FYB2: variants seen among roughly 807,000 people sequenced by gnomAD.
FYB2 encodes FYN binding protein 2.
A neutral mutation model predicts 94.1 loss-of-function variants in FYB2; 103 were observed. The ratio of observed to expected loss-of-function variants is 1.09; its 90% CI spans 0.93 to 1.29. The LOEUF (loss-of-function observed/expected upper bound fraction) is 1.29, where lower values mean the gene tolerates loss of function less well. Among genes scored for constraint, FYB2 ranks in the 50% most tolerant of loss-of-function variants. The pLI, the probability that FYB2 is intolerant of heterozygous loss-of-function variation, is 0.00. For missense variants in FYB2, 896 were observed against 841.5 expected (o/e 1.06, Z -0.80); for synonymous variants, 293 against 287.9 (o/e 1.02, Z -0.18).
intron 3 of FYB2, among the ~76,000 whole-genome samples, chr1:56,787,869 T>A (rs1646167942): frequency 6.6e-6 from 1 of 152,230 alleles, no homozygotes; most frequent in African/African-American, 2.4e-5. Context: ...CTGAATTATT[T>A]AATGTTTATA....
chr1:56,822,157 G>T (rs1646996680), upstream of FYB2, among the ~76,000 whole-genome samples: 1 of 152,130 alleles, frequency 6.6e-6, no homozygotes, highest in African/African-American at 2.4e-5. Flanking sequence ...ATTTTATTTA[G>T]TCCTTATTAT....
chr1:56,720,524 G>T (rs1040542048), intron 17 of FYB2, 195 bp from the exon 18 acceptor site: 1 of 406,070 alleles, frequency 2.5e-6, no homozygotes, highest in Non-Finnish European at 4.3e-6. Context: ...ATAGTAAAAT[G>T]GTGCAATCTC....
In FYB2 at chr1:56,755,821, A is replaced by G. The variant is rs370906583; in HGVS notation, c.1130+75T>C. The G allele has an allele frequency of 1.5e-3, 2,163 of 1,418,596 alleles. 5 individuals are homozygous for G. The highest frequency in any genetic ancestry group is 1.7e-3 in the Non-Finnish European group (1,710 of 1,009,778). The allele number at this position is 1,418,596 out of a possible 1,614,324, so 87.9% of individuals were successfully genotyped here. A position where few individuals can be genotyped will look rare whatever the true frequency, so the allele number is the denominator to read the frequency against. On this transcript the variant is annotated intron_variant, in intron 7 of 19. Transcript: ENST00000343433. Reference sequence around the variant, plus strand: ...CTCAGTTTGGAAACATAGCTGGCCCATAGAGGAAAACTAGTTCAGTCATCA... The same window carrying G: ...CTCAGTTTGGAAACATAGCTGGCCCGTAGAGGAAAACTAGTTCAGTCATCA...
intron 13 of FYB2, among the ~76,000 whole-genome samples, 170 bp downstream of exon 13, chr1:56,740,527 G>A (rs1247114133): frequency 6.6e-6 from 1 of 151,952 alleles, no homozygotes. Context: ...ATTAGTCTCT[G>A]TGCATGTAGT....
At chr1:56,738,290 A>C (rs1055331240) in intron 14 of FYB2, among the ~76,000 whole-genome samples, 5 of 152,144 alleles carry the variant, frequency 3.3e-5, no homozygotes, top group African/African-American at 1.2e-4. Context: ...TGCAAAATGC[A>C]TGAGTTTCAT....
chr1:56,732,587 A>T (rs1262360813), intron 15 of FYB2, among the ~76,000 whole-genome samples: 1 of 152,164 alleles, frequency 6.6e-6, no homozygotes, highest in African/African-American at 2.4e-5. Flanking sequence ...ACATTCTACA[A>T]AGCTCTAGTA....
chr1:56,818,507 C>G (rs750828229), intron 1 of FYB2, among the ~76,000 whole-genome samples: 3 of 150,198 alleles, frequency 2.0e-5, no homozygotes, highest in Admixed American at 6.6e-5. Flanking sequence ...CACATGCACA[C>G]GCACATCAAA....
chr1:56,747,521 T>A (rs577041406), intron 9 of FYB2, among the ~76,000 whole-genome samples: 14 of 152,048 alleles, frequency 9.2e-5, no homozygotes, highest in Non-Finnish European at 1.8e-4. Flanking sequence ...GGTTTTCTGT[T>A]CCTATATTAG....
At chr1:56,729,736 T>C (rs1159347114) in intron 15 of FYB2, among the ~76,000 whole-genome samples, 5 of 152,112 alleles carry the variant, frequency 3.3e-5, no homozygotes, top group Admixed American at 2.0e-4. Context: ...TACACATTCT[T>C]TTCATTATTA....
chr1:56,733,159 G>A (rs74857088), intron 15 of FYB2, among the ~76,000 whole-genome samples: 3,103 of 151,990 alleles, frequency 0.02, 42 homozygotes, highest in Middle Eastern at 0.031. Flanking sequence ...ATTAAAAAAT[G>A]GGCAAATGAA....
chr1:56,734,103 T>A (rs1341659618), intron 15 of FYB2, among the ~76,000 whole-genome samples: 1 of 152,162 alleles, frequency 6.6e-6, no homozygotes, highest in East Asian at 1.9e-4. Context: ...GCTCCTGTAT[T>A]GGGTGCATAT....
intron 9 of FYB2, among the ~76,000 whole-genome samples, chr1:56,750,480 G>A (rs1645170140): frequency 6.6e-6 from 1 of 151,976 alleles, no homozygotes; most frequent in African/African-American, 2.4e-5. Flanking sequence ...ACCATGGCTA[G>A]ACTTTCTGCT....
chr1:56,798,811 A>T (rs1646458297), intron 1 of FYB2, among the ~76,000 whole-genome samples: 1 of 152,186 alleles, frequency 6.6e-6, no homozygotes, highest in African/African-American at 2.4e-5. Flanking sequence ...GTCCAAGGTC[A>T]CGCAGCAAGG....
chr1:56,750,748 C>T (rs1645177595), intron 9 of FYB2, among the ~76,000 whole-genome samples: 1 of 151,812 alleles, frequency 6.6e-6, no homozygotes, highest in Admixed American at 6.6e-5. Context: ...TCATAAAAGC[C>T]CTGTGAGGTC....
chr1:56,794,288 C>A (rs1279495743), intron 1 of FYB2, among the ~76,000 whole-genome samples: 3 of 152,192 alleles, frequency 2.0e-5, no homozygotes, highest in Non-Finnish European at 4.4e-5. Flanking sequence ...CTGCTCCATG[C>A]TCTTCCTGCT....
intron 5 of FYB2, among the ~76,000 whole-genome samples, chr1:56,763,179 A>G (rs1031887624): frequency 2.6e-5 from 4 of 152,104 alleles, no homozygotes; most frequent in Admixed American, 1.3e-4. Flanking sequence ...TTTGTTGAGG[A>G]GTTTTATGAC....
At chr1:56,807,145 C>T (rs185477463) in intron 1 of FYB2, among the ~76,000 whole-genome samples, 1 of 152,306 alleles carries the variant, frequency 6.6e-6, no homozygotes, top group Non-Finnish European at 1.5e-5. Context: ...CTCCCTGCTG[C>T]CCTCTCCTGC....
rs368921643 is a variant in FYB2 at position 56,805,063 on chromosome 1, C to T, written c.10-12260G>A. On this transcript the variant is annotated intron_variant, in intron 1 of 19. Coordinates refer to ENST00000343433, the MANE Select transcript of FYB2 (RefSeq NM_001004303.5). ...TTTTTAGCTGAGTTACCAATCCCTCCGAGCAGCTTTTTCCAGTTCTTAGGT... is the reference window on the plus strand; with the variant it reads ...TTTTTAGCTGAGTTACCAATCCCTCTGAGCAGCTTTTTCCAGTTCTTAGGT... 3.3e-5 allele frequency among the ~76,000 whole-genome samples: 5 copies of T among 152,184 alleles called. No individual in the cohort carries two copies. In the East Asian group the frequency reaches 5.8e-4, roughly 18 times the overall value.
chr1:56,807,421 C>T (rs530773326), intron 1 of FYB2, among the ~76,000 whole-genome samples: 4 of 152,140 alleles, frequency 2.6e-5, no homozygotes, highest in Non-Finnish European at 5.9e-5. Context: ...GCAGGTTTTA[C>T]AGGTGTTAGA....
Sources: gnomAD v4.1 joint callset for allele counts (sites outside exome capture counted in the v4.1 genomes callset) on GRCh38, gnomAD v4.1.1 for gene constraint, MANE v1.5 for transcripts, NCBI Gene and HGNC (gene_info 2026-07-23, HGNC 2026-07-21) for gene names.